Variants in KCNIP4 observed in about 807,000 individuals in gnomAD.
KCNIP4 encodes the protein Kv channel-interacting protein 4.
Under a neutral mutation model 34.0 loss-of-function variants are expected in KCNIP4, and 12 were observed. That is an observed-to-expected ratio of 0.35 (90% CI 0.23 to 0.57). The LOEUF is 0.57. Ranked by LOEUF, KCNIP4 falls within the 20% of genes least tolerant of loss-of-function variation. The pLI, the probability that KCNIP4 is intolerant of heterozygous loss-of-function variation, is 0.83. For synonymous variants in KCNIP4, 124 were observed against 102.2 expected (o/e 1.21, Z -1.29); for missense variants, 238 against 311.7 (o/e 0.76, Z 1.78).
chr4:20,735,518 GTT>G lies in KCNIP4; in HGVS notation c.430-785_430-784del, dbSNP rs754949562. Among the ~76,000 whole-genome samples, 132 of 130,814 alleles carry G rather than the reference GTT, an allele frequency of 1.0e-3. 2 individuals carry two copies. The East Asian group carries it at 0.021, about 21-fold the overall frequency. The allele number at this position is 130,814 out of a possible 152,430, so 85.8% of individuals were successfully genotyped here. A position where few individuals can be genotyped will look rare whatever the true frequency, so the allele number is the denominator to read the frequency against. On this transcript the variant is annotated intron_variant, in intron 5 of 8. Transcript: ENST00000382152. ...ATTAACTTGATTAAATTCATTTAGT[GTT>G]TTTTTTTTTGTTTTTTTTTTTTTTT...
chr4:21,263,716 A>G (rs566359416), intron 1 of KCNIP4, among the ~76,000 whole-genome samples: 4 of 152,232 alleles, frequency 2.6e-5, no homozygotes, highest in South Asian at 2.1e-4. Flanking sequence ...CATGCAGGCT[A>G]GAGTGATCGT....
intron 1 of KCNIP4, among the ~76,000 whole-genome samples, chr4:21,538,416 G>T (rs969014841): frequency 1.3e-5 from 2 of 152,140 alleles, no homozygotes; most frequent in African/African-American, 4.8e-5. Flanking sequence ...GGTATACCTG[G>T]AATCTGGGAC....
At chr4:21,061,401 C>T (rs1029072841) in intron 1 of KCNIP4, among the ~76,000 whole-genome samples, 11 of 151,884 alleles carry the variant, frequency 7.2e-5, no homozygotes, top group African/African-American at 2.7e-4. Context: ...TTTTCTTTTT[C>T]ATAACACAAT....
At chr4:21,338,840 A>G (rs1455285609) in intron 1 of KCNIP4, among the ~76,000 whole-genome samples, 2 of 152,094 alleles carry the variant, frequency 1.3e-5, no homozygotes, top group South Asian at 2.1e-4. Flanking sequence ...CTTTTTCTTC[A>G]TCACTTAATC....
intron 1 of KCNIP4, among the ~76,000 whole-genome samples, chr4:21,947,353 A>C (rs1050433961): frequency 6.6e-6 from 1 of 152,214 alleles, no homozygotes; most frequent in African/African-American, 2.4e-5. Context: ...AGAACTAAAC[A>C]CAGTTACAAG....
At chr4:21,832,919 C>T (rs1434140011) in intron 1 of KCNIP4, among the ~76,000 whole-genome samples, 1 of 150,836 alleles carries the variant, frequency 6.6e-6, no homozygotes, top group Non-Finnish European at 1.5e-5. Context: ...AGGACATGAA[C>T]TCATCATTTT....
chr4:21,407,434 C>T (rs1343203131), intron 1 of KCNIP4, among the ~76,000 whole-genome samples: 1 of 152,184 alleles, frequency 6.6e-6, no homozygotes, highest in Non-Finnish European at 1.5e-5. Context: ...AACGTAAGTG[C>T]CATGAAGTAG....
chr4:20,911,501 G>A (rs2149570879), intron 1 of KCNIP4, among the ~76,000 whole-genome samples: 1 of 152,252 alleles, frequency 6.6e-6, no homozygotes, highest in East Asian at 1.9e-4. Context: ...TATATACAAA[G>A]GAGAAAAGGG....
intron 1 of KCNIP4, among the ~76,000 whole-genome samples, chr4:21,566,297 T>C (rs531808406): frequency 3.2e-4 from 49 of 152,182 alleles, no homozygotes; most frequent in Non-Finnish European, 6.2e-4. Context: ...CCTATTGATA[T>C]GGTTTGGATT....
chr4:21,433,692 T>C (rs1281374008), intron 1 of KCNIP4, among the ~76,000 whole-genome samples: 1 of 152,170 alleles, frequency 6.6e-6, no homozygotes, highest in African/African-American at 2.4e-5. Flanking sequence ...TTCTCAATCA[T>C]GCCCCAGCCT....
chr4:20,917,151 C>T (rs185413018), intron 1 of KCNIP4, among the ~76,000 whole-genome samples: 2,863 of 150,334 alleles, frequency 0.019, 41 homozygotes, highest in Middle Eastern at 0.048. Context: ...TATTCTCCTG[C>T]CTCAGCCTCC....
At chr4:21,922,139 A>T (rs2108996621) in intron 1 of KCNIP4, among the ~76,000 whole-genome samples, 1 of 152,324 alleles carries the variant, frequency 6.6e-6, no homozygotes, top group Non-Finnish European at 1.5e-5. Context: ...TCCTCCAGAT[A>T]GTCACATAGA....
intron 3 of KCNIP4, among the ~76,000 whole-genome samples, chr4:20,779,697 A>T (rs1389483284): frequency 6.6e-6 from 1 of 151,810 alleles, no homozygotes; most frequent in African/African-American, 2.4e-5. Flanking sequence ...AGGCTATCCC[A>T]ATTGTCCTTA....
intron 1 of KCNIP4, among the ~76,000 whole-genome samples, chr4:21,888,136 T>C (rs1726892592): frequency 6.6e-6 from 1 of 152,116 alleles, no homozygotes; most frequent in South Asian, 2.1e-4. Flanking sequence ...CAGAGAGAAG[T>C]TAAGTGACTT....
chr4:21,127,336 T>C (rs1750705508), intron 1 of KCNIP4, among the ~76,000 whole-genome samples: 1 of 152,222 alleles, frequency 6.6e-6, no homozygotes, highest in Admixed American at 6.5e-5. Context: ...CCCTAATACA[T>C]CACTTGCCTT....
At chr4:20,768,353 G>C (rs959053210) in intron 3 of KCNIP4, among the ~76,000 whole-genome samples, 1 of 152,092 alleles carries the variant, frequency 6.6e-6, no homozygotes, top group South Asian at 2.1e-4. Flanking sequence ...CCCCATGATT[G>C]CCCACAATGA....
chr4:21,550,931 A>G (rs1388705152), intron 1 of KCNIP4, among the ~76,000 whole-genome samples: 2 of 152,066 alleles, frequency 1.3e-5, no homozygotes. Flanking sequence ...AGTCAGTTGT[A>G]TTATCATCCT....
chr4:21,247,677 A>G (rs1386805896), intron 1 of KCNIP4, among the ~76,000 whole-genome samples: 2 of 140,678 alleles, frequency 1.4e-5, no homozygotes, highest in Non-Finnish European at 3.0e-5. Flanking sequence ...ATATCTATAT[A>G]TAGATATATT....
At chr4:21,001,441 T>C (rs1738130301) in intron 1 of KCNIP4, among the ~76,000 whole-genome samples, 2 of 152,148 alleles carry the variant, frequency 1.3e-5, no homozygotes, top group Non-Finnish European at 2.9e-5. Flanking sequence ...GGTGATAAGA[T>C]GGATTTGGCC....
Sources: gnomAD v4.1 joint callset for allele counts (sites outside exome capture counted in the v4.1 genomes callset) on GRCh38, gnomAD v4.1.1 for gene constraint, MANE v1.5 for transcripts, NCBI Gene and HGNC (gene_info 2026-07-23, HGNC 2026-07-21) for gene names.